Variants in TRAPPC9 observed in about 807,000 individuals in gnomAD.
The protein encoded by TRAPPC9 is trafficking protein particle complex subunit 9, also known as IKK2 binding protein.
Under a neutral mutation model 124.0 loss-of-function variants are expected in TRAPPC9, and 83 were observed. The ratio of observed to expected loss-of-function variants is 0.67; its 90% CI spans 0.56 to 0.80. The LOEUF is 0.80. Among genes scored for constraint, TRAPPC9 ranks in the 30% least tolerant of loss-of-function variants. TRAPPC9 has a pLI of 0.00. For missense variants in TRAPPC9, 1,302 were observed against 1,508.3 expected (o/e 0.86, Z 2.27); for synonymous variants, 638 against 617.5 (o/e 1.03, Z -0.49).
Position 139,961,973 on chromosome 8 carries a change from T to G in TRAPPC9, c.2810+26753A>C, listed in dbSNP as rs1835392732. Among the ~76,000 whole-genome samples the G allele has an allele frequency of 1.6e-5, 2 of 123,636 alleles. 1 individual carries two copies. The highest frequency in any genetic ancestry group is 5.1e-5 in the African/African-American group (2 of 39,102). 81.1% of individuals were successfully genotyped at this position (123,636 alleles called of 152,430 possible). On this transcript the variant is annotated intron_variant, in intron 19 of 22. Transcript: ENST00000438773. The stretch of plus-strand genomic sequence containing the variant: ...AGCTGGAGATGATGGGACAACCAGC[T>G]GCAGAGAGGAGCTCCTCTCTCTGCT...
At chr8:140,202,914 A>G (rs904681926) in intron 17 of TRAPPC9, among the ~76,000 whole-genome samples, 4 of 152,240 alleles carry the variant, frequency 2.6e-5, no homozygotes, top group Non-Finnish European at 5.9e-5. Context: ...GGATGGAGAA[A>G]CAGATCCAAT....
At chr8:139,859,488 G>C (rs1827999187) in intron 21 of TRAPPC9, among the ~76,000 whole-genome samples, 1 of 152,208 alleles carries the variant, frequency 6.6e-6, no homozygotes, top group South Asian at 2.1e-4. Flanking sequence ...ACATGTCACA[G>C]CTTCAGAAAG....
At position 140,220,530 on chromosome 8, in the gene TRAPPC9, C is replaced by G. The variant is rs142144024; in HGVS notation, c.2556+929G>C. On this transcript the variant is annotated intron_variant, in intron 17 of 22. Transcript: ENST00000438773. The stretch of plus-strand genomic sequence containing the variant: ...CCCAAAAGGGGAGAGGACTCTTCCC[C>G]TAAAACTAGCTCCTTCCAAGTTCAA... Among the ~76,000 whole-genome samples, 410 of 152,324 alleles carry G rather than the reference C, an allele frequency of 2.7e-3. 3 individuals are homozygous for G. Among genetic ancestry groups the G allele is most frequent in the African/African-American group, 9.3e-3 (387 of 41,576 alleles).
At chr8:140,233,690 G>A (rs1262303878) in intron 16 of TRAPPC9, among the ~76,000 whole-genome samples, 2 of 114,182 alleles carry the variant, frequency 1.8e-5, no homozygotes, top group East Asian at 2.8e-4. Context: ...ACACACAAAT[G>A]TTCAGTCCCT....
At chr8:140,135,173 TG>T (rs1563787868) in intron 17 of TRAPPC9, among the ~76,000 whole-genome samples, 1 of 152,214 alleles carries the variant, frequency 6.6e-6, no homozygotes, top group East Asian at 1.9e-4. Context: ...TAACAAGTGC[TG>T]GGGGGATGTC....
intron 16 of TRAPPC9, among the ~76,000 whole-genome samples, chr8:140,248,691 C>T (rs2064046032): frequency 6.6e-6 from 1 of 152,128 alleles, no homozygotes; most frequent in African/African-American, 2.4e-5. Flanking sequence ...TAATTTTAAA[C>T]ATAAAATTCC....
At chr8:140,458,348 A>G, upstream of TRAPPC9, 1 of 1,588,868 alleles carries the variant, frequency 6.3e-7, no homozygotes, top group Non-Finnish European at 8.6e-7. Flanking sequence ...GGCCCCGCGG[A>G]AGCCCACTGT....
At chr8:140,401,676 T>A (rs945761418) in intron 6 of TRAPPC9, among the ~76,000 whole-genome samples, 1 of 152,098 alleles carries the variant, frequency 6.6e-6, no homozygotes, top group Non-Finnish European at 1.5e-5. Flanking sequence ...CAGGCTGGAG[T>A]GCAGTTGCTT....
At chr8:140,206,331 T>C (rs1228925060) in intron 17 of TRAPPC9, among the ~76,000 whole-genome samples, 1 of 152,210 alleles carries the variant, frequency 6.6e-6, no homozygotes, top group African/African-American at 2.4e-5. Context: ...TAATTCTTTT[T>C]CTGCTTGCAG....
At chr8:140,165,635 GA>G (rs1275901490) in intron 17 of TRAPPC9, among the ~76,000 whole-genome samples, 3 of 128,612 alleles carry the variant, frequency 2.3e-5, no homozygotes, top group South Asian at 3.1e-4. Context: ...AAGCAAAGGG[GA>G]GGGGGGGATG....
chr8:140,232,195 C>T (rs1024906934), intron 16 of TRAPPC9, among the ~76,000 whole-genome samples: 4 of 152,092 alleles, frequency 2.6e-5, no homozygotes, highest in African/African-American at 4.8e-5. Flanking sequence ...ACCTTGGCCT[C>T]CCAAAGTGCT....
At chr8:140,066,741 G>T (rs1264570173) in intron 17 of TRAPPC9, among the ~76,000 whole-genome samples, 1 of 152,228 alleles carries the variant, frequency 6.6e-6, no homozygotes, top group African/African-American at 2.4e-5. Flanking sequence ...AAACTATTGT[G>T]TTTAAAAAGA....
Position 139,805,463 on chromosome 8 carries a change from T to C in TRAPPC9, c.3056-73261A>G, listed in dbSNP as rs201795162. ...TCAGCTGTGCACTCAGGCTAAGACA[T>C]TGAACATCCTGGGGCCCCAGGTTCT... On this transcript the variant is annotated intron_variant, in intron 21 of 22. Transcript: ENST00000438773. 2.7e-4 allele frequency among the ~76,000 whole-genome samples: 41 copies of C among 152,342 alleles called. No homozygotes were observed. In the East Asian group the frequency reaches 3.1e-3, roughly 11 times the overall value.
intron 21 of TRAPPC9, among the ~76,000 whole-genome samples, chr8:139,870,372 T>C (rs1222627912): frequency 1.3e-5 from 2 of 152,228 alleles, no homozygotes; most frequent in African/African-American, 4.8e-5. Flanking sequence ...TTTTAAAGCA[T>C]GGTTCCAACA....
intron 11 of TRAPPC9, among the ~76,000 whole-genome samples, chr8:140,296,766 G>A (rs2065815331): frequency 6.6e-6 from 1 of 152,226 alleles, no homozygotes; most frequent in Non-Finnish European, 1.5e-5. Flanking sequence ...ATCCTGAGAA[G>A]AGGAGTCTCA....
At chr8:140,052,075 A>C (rs1307534072) in intron 17 of TRAPPC9, among the ~76,000 whole-genome samples, 2 of 151,944 alleles carry the variant, frequency 1.3e-5, no homozygotes, top group East Asian at 3.9e-4. Flanking sequence ...CCAGAGGAGG[A>C]AGGCAGAGCA....
chr8:140,157,185 TCCC>T lies in TRAPPC9; in HGVS notation c.2556+64271_2556+64273del, dbSNP rs1218136697. 1.9e-4 allele frequency among the ~76,000 whole-genome samples: 14 copies of T among 73,740 alleles called. 1 individual carries two copies. The highest frequency in any genetic ancestry group is 3.0e-4 in the African/African-American group (5 of 16,878). 48.4% of individuals were successfully genotyped at this position (73,740 alleles called of 152,430 possible). On this transcript the variant is annotated intron_variant, in intron 17 of 22. Transcript: ENST00000438773. ...AGCCTCCCTTTTCCATTCAAAAGCC[TCCC>T]TTTTCCATTCAAAAGCCTCCCTTTT...
intron 21 of TRAPPC9, among the ~76,000 whole-genome samples, chr8:139,851,038 A>G (rs1334719295): frequency 5.9e-5 from 9 of 152,232 alleles, no homozygotes; most frequent in Admixed American, 5.9e-4. Flanking sequence ...AGCATCAGTA[A>G]TGGAGAAAAT....
chr8:140,072,892 C>A (rs574983213), intron 17 of TRAPPC9, among the ~76,000 whole-genome samples: 1 of 152,112 alleles, frequency 6.6e-6, no homozygotes, highest in African/African-American at 2.4e-5. Context: ...ATAAAATGAA[C>A]AAAAGGCTTG....
Sources: allele counts gnomAD v4.1 joint callset (sites outside exome capture counted in the v4.1 genomes callset), GRCh38; gene constraint gnomAD v4.1.1; transcripts MANE v1.5; gene names NCBI Gene and HGNC (gene_info 2026-07-23, HGNC 2026-07-21).